TMEM117: variants seen among roughly 807,000 people sequenced by gnomAD.
The protein encoded by TMEM117 is transmembrane protein 117.
A neutral mutation model predicts 52.4 loss-of-function variants in TMEM117; 27 were observed. The observed-to-expected ratio is 0.51, with a 90% CI of 0.38 to 0.71. The LOEUF is 0.71. Among genes scored for constraint, TMEM117 ranks in the 30% least tolerant of loss-of-function variants. The probability of loss-of-function intolerance (pLI) is 0.00; values close to 1 mark genes in which losing one functional copy is unlikely to be tolerated. For missense variants in TMEM117, 556 were observed against 630.5 expected, an observed-to-expected ratio of 0.88 and a Z score of 1.26; for synonymous variants, 215 against 206.3, an observed-to-expected ratio of 1.04 and a Z score of -0.36.
intron 5 of TMEM117, among the ~76,000 whole-genome samples, chr12:44,229,330 G>T (rs969551318): frequency 1.3e-5 from 2 of 152,090 alleles, no homozygotes; most frequent in African/African-American, 4.8e-5. Context: ...TTACATGTTA[G>T]ATTGAGATGC....
chr12:43,996,381 C>T (rs1029527574), intron 3 of TMEM117, among the ~76,000 whole-genome samples: 2 of 152,158 alleles, frequency 1.3e-5, no homozygotes, highest in Admixed American at 6.6e-5. Flanking sequence ...CAGTGGCTCA[C>T]ACCTGTAATC....
intron 2 of TMEM117, among the ~76,000 whole-genome samples, chr12:43,940,397 A>G (rs1444752773): frequency 6.6e-6 from 1 of 152,188 alleles, no homozygotes; most frequent in African/African-American, 2.4e-5. Context: ...TCTAGCAGTG[A>G]GGTAGAAAGG....
the TMEM117 span, among the ~76,000 whole-genome samples, chr12:43,799,902 AT>A: frequency 8.5e-5 from 13 of 152,102 alleles, no homozygotes; most frequent in Non-Finnish European, 1.9e-4. Context: ...TTTCTTTGTA[AT>A]TATTCATGGA....
intron 7 of TMEM117, among the ~76,000 whole-genome samples, chr12:44,384,194 G>C (rs944722942): frequency 2.0e-5 from 3 of 152,114 alleles, no homozygotes. Context: ...AGAGAAAGAT[G>C]AACATCCTTC....
intron 3 of TMEM117, among the ~76,000 whole-genome samples, chr12:44,136,032 A>C (rs1436275675): frequency 1.3e-5 from 2 of 152,246 alleles, no homozygotes; most frequent in Non-Finnish European, 2.9e-5. Context: ...GGCTTAGCTT[A>C]CAATTCCCTT....
chr12:43,846,707 A>T (rs949698791), intron 2 of TMEM117, among the ~76,000 whole-genome samples: 1 of 151,234 alleles, frequency 6.6e-6, no homozygotes. Flanking sequence ...TGCTGGGTCA[A>T]TTAGGAAGAG....
intron 4 of TMEM117, among the ~76,000 whole-genome samples, chr12:44,206,043 A>G (rs987082861): frequency 1.3e-5 from 2 of 152,236 alleles, no homozygotes; most frequent in African/African-American, 2.4e-5. Flanking sequence ...AGCCATGAAC[A>G]AAGTTTGACC....
At chr12:44,050,377 A>T (rs1050478704) in intron 3 of TMEM117, among the ~76,000 whole-genome samples, 1 of 152,114 alleles carries the variant, frequency 6.6e-6, no homozygotes, top group African/African-American at 2.4e-5. Context: ...GGGTTTCACC[A>T]TGCTGGCCAG....
chr12:44,200,127 C>CACAA (rs891863233), intron 4 of TMEM117, among the ~76,000 whole-genome samples: 15 of 151,934 alleles, frequency 9.9e-5, no homozygotes, highest in African/African-American at 2.2e-4. Flanking sequence ...TCAAAAAACA[C>CACAA]ACAAACAAAC....
intron 5 of TMEM117, among the ~76,000 whole-genome samples, chr12:44,281,996 G>A (rs981891846): frequency 6.6e-6 from 1 of 152,130 alleles, no homozygotes; most frequent in Admixed American, 6.5e-5. Context: ...GATCCAAGGG[G>A]AGGTAATTGA....
intron 3 of TMEM117, among the ~76,000 whole-genome samples, chr12:44,056,531 A>T (rs191018094): frequency 4.6e-4 from 70 of 152,280 alleles, no homozygotes; most frequent in Non-Finnish European, 4.4e-5. Context: ...TTGTAAAATT[A>T]ATAGTAATTA....
chr12:44,222,148 CT>C (rs1191257092), intron 5 of TMEM117, among the ~76,000 whole-genome samples: 1 of 152,194 alleles, frequency 6.6e-6, no homozygotes, highest in African/African-American at 2.4e-5. Flanking sequence ...CCTGTTTGAT[CT>C]TTTAATTCCT....
chr12:44,345,135 G>T (rs1451338902), intron 6 of TMEM117, among the ~76,000 whole-genome samples: 1 of 152,080 alleles, frequency 6.6e-6, no homozygotes, highest in African/African-American at 2.4e-5. Flanking sequence ...AGAAGAGAAG[G>T]AGTAGGGCTC....
Position 43,930,523 on chromosome 12 carries a change from A to C in TMEM117, c.278-13687A>C, listed in dbSNP as rs1944854648. 2.0e-5 allele frequency among the ~76,000 whole-genome samples: 3 copies of C among 152,206 alleles called. No homozygotes were observed. In the East Asian group the frequency reaches 5.8e-4, roughly 29 times the overall value. ...TCTCCCAAGGGGAAAAAGATGCAAT[A>C]AATTTGGCTCATCTAAGTGCATTTT... On this transcript the variant is annotated intron_variant, in intron 2 of 7. Coordinates refer to ENST00000266534, the MANE Select transcript of TMEM117 (RefSeq NM_032256.3).
chr12:44,083,822 T>G (rs1947524010), intron 3 of TMEM117: 1 of 152,164 alleles, frequency 6.6e-6, no homozygotes, highest in African/African-American at 2.4e-5. Context: ...TACTATTACT[T>G]TTTTTGTGTG....
intron 4 of TMEM117, among the ~76,000 whole-genome samples, chr12:44,168,105 T>C (rs1948994099): frequency 6.6e-6 from 1 of 151,886 alleles, no homozygotes; most frequent in Admixed American, 6.6e-5. Context: ...AATACAAAAA[T>C]TAGCTGGGTG....
intron 3 of TMEM117, among the ~76,000 whole-genome samples, chr12:44,108,597 G>A (rs1948007171): frequency 1.2e-5 from 1 of 84,692 alleles, no homozygotes; most frequent in Non-Finnish European, 1.9e-5. Context: ...TCTTAATCCA[G>A]TCTATCATTG....
chr12:44,098,193 G>A (rs1203807525), intron 3 of TMEM117, among the ~76,000 whole-genome samples: 1 of 152,014 alleles, frequency 6.6e-6, no homozygotes, highest in African/African-American at 2.4e-5. Flanking sequence ...ATGCTTTCTG[G>A]GTGCCAGACA....
chr12:43,841,515 T>C (rs908957785), intron 1 of TMEM117, among the ~76,000 whole-genome samples: 1 of 152,208 alleles, frequency 6.6e-6, no homozygotes, highest in African/African-American at 2.4e-5. Context: ...ATATAAATGC[T>C]GGAGAGAAAC....
Sources: gnomAD v4.1 joint callset for allele counts (sites outside exome capture counted in the v4.1 genomes callset) on GRCh38, gnomAD v4.1.1 for gene constraint, MANE v1.5 for transcripts, NCBI Gene and HGNC (gene_info 2026-07-23, HGNC 2026-07-21) for gene names.